The following BCCIP variants were observed in gnomAD, a reference collection of about 807,000 sequenced individuals.
BCCIP encodes the protein BRCA2 and CDKN1A interacting protein.
In BCCIP, 23 loss-of-function variants were observed where a neutral mutation model predicts 32.8. That is an observed-to-expected ratio of 0.70 (90% CI 0.51 to 0.99). The LOEUF (loss-of-function observed/expected upper bound fraction) is 0.99, where lower values mean the gene tolerates loss of function less well. Ranked by LOEUF, BCCIP falls within the 50% of genes least tolerant of loss-of-function variation. BCCIP has a pLI of 0.00. For missense variants in BCCIP, 378 were observed against 379.8 expected (o/e 1.00, Z 0.04); for synonymous variants, 144 against 137.6 (o/e 1.05, Z -0.33).
At position 125,836,391 on chromosome 10, in the gene BCCIP, T is replaced by G; in HGVS notation, c.*117T>G. 1 of 1,537,296 alleles carries G rather than the reference T, an allele frequency of 6.5e-7. No homozygotes were observed. The highest frequency in any genetic ancestry group is 8.7e-7 in the Non-Finnish European group (1 of 1,145,448). On this transcript the variant is annotated 3_prime_UTR_variant, in exon 7 of 7. Transcript: ENST00000278100. Reference sequence around the variant, plus strand: ...TTAAGTTCCTCTACAAAAAGTAGGGTTCTGTCCCATGTGTCTCTGACACAT... The same window carrying G: ...TTAAGTTCCTCTACAAAAAGTAGGGGTCTGTCCCATGTGTCTCTGACACAT...
exon 8 of BCCIP, chr10:125,853,240 A>G (rs1944115045): frequency 3.8e-6 from 6 of 1,599,446 alleles, no homozygotes; most frequent in Non-Finnish European, 4.3e-6. Context: ...TTGCTCTGTC[A>G]TAATAAGTCA....
chr10:125,838,539 A>C, downstream of BCCIP: 1 of 781,010 alleles, frequency 1.3e-6, no homozygotes. Flanking sequence ...CATGTAGAAA[A>C]TAAGCCATAA....
At chr10:125,824,712 C>G (rs908385480) in intron 1 of BCCIP, among the ~76,000 whole-genome samples, 19 of 112,556 alleles carry the variant, frequency 1.7e-4, no homozygotes, top group African/African-American at 6.3e-4. Flanking sequence ...TGTTCCCCTA[C>G]AATCAGTCTA....
chr10:125,841,583 C>T (rs1854881181), exon 7 of BCCIP: 4 of 1,438,924 alleles, frequency 2.8e-6, no homozygotes, highest in Non-Finnish European at 3.6e-6. Context: ...TTTTCCTTTT[C>T]TAACCTATTA....
chr10:125,843,932 C>T (rs1406742080), downstream of BCCIP, among the ~76,000 whole-genome samples: 1 of 152,170 alleles, frequency 6.6e-6, no homozygotes, highest in African/African-American at 2.4e-5. Context: ...TACCTTGGGG[C>T]AAATATGTTG....
chr10:125,831,002 G>C (rs771656694), intron 4 of BCCIP, among the ~76,000 whole-genome samples: 19 of 152,182 alleles, frequency 1.2e-4, no homozygotes, highest in Non-Finnish European at 2.6e-4. Flanking sequence ...GGCATTTACT[G>C]ACATTTTATT....
chr10:125,829,502 A>C (rs1315781409), intron 3 of BCCIP, among the ~76,000 whole-genome samples: 2 of 152,200 alleles, frequency 1.3e-5, no homozygotes, highest in Non-Finnish European at 2.9e-5. Context: ...CTGTCCTCCT[A>C]TTCATTCTTC....
At chr10:125,838,522 A>T (rs1295412749), downstream of BCCIP, 1 of 834,406 alleles carries the variant, frequency 1.2e-6, no homozygotes, top group African/African-American at 1.7e-5. Context: ...CATGTTTCCT[A>T]CTTTCACATG....
At chr10:125,851,259 A>C (rs1944085576) in intron 7 of BCCIP, among the ~76,000 whole-genome samples, 1 of 152,160 alleles carries the variant, frequency 6.6e-6, no homozygotes. Flanking sequence ...CCACAGTTAT[A>C]TTTTCCCCAA....
chr10:125,835,759 G>A (rs570472231), intron 6 of BCCIP, among the ~76,000 whole-genome samples: 2 of 152,290 alleles, frequency 1.3e-5, no homozygotes, highest in East Asian at 3.9e-4. Flanking sequence ...AGTGTTTGAA[G>A]ACAAGTTCTT....
chr10:125,851,290 G>C (rs1944086253), intron 7 of BCCIP, among the ~76,000 whole-genome samples: 1 of 152,200 alleles, frequency 6.6e-6, no homozygotes, highest in Non-Finnish European at 1.5e-5. Context: ...AAAGTTATGT[G>C]TGTATTGTCA....
chr10:125,839,296 A>G, downstream of BCCIP: 1 of 1,143,232 alleles, frequency 8.7e-7, no homozygotes, highest in Non-Finnish European at 1.2e-6. Context: ...CTCTCCTACA[A>G]AGGAGGCCAC....
At chr10:125,835,110 G>A (rs1206555262) in intron 6 of BCCIP, among the ~76,000 whole-genome samples, 54 of 151,880 alleles carry the variant, frequency 3.6e-4, no homozygotes, top group Non-Finnish European at 7.9e-4. Context: ...TCCAGCCTGG[G>A]CGACAGAGCG....
chr10:125,827,355 T>C (rs1854421661), intron 2 of BCCIP, among the ~76,000 whole-genome samples: 1 of 152,148 alleles, frequency 6.6e-6, no homozygotes, highest in South Asian at 2.1e-4. Context: ...ACTTCTATAT[T>C]ACTACTGACT....
chr10:125,852,558 CA>C, intron 7 of BCCIP: 1 of 1,613,496 alleles, frequency 6.2e-7, no homozygotes, highest in Non-Finnish European at 8.5e-7. Flanking sequence ...GAAGATGAGC[CA>C]AGAATCTGCT....
Position 125,836,253 on chromosome 10 carries a change from G to C in BCCIP, c.924G>C (p.Leu308=). The change falls in exon 7 of 7, where the codon CTG becomes CTC. Residue 308 remains leucine, a synonymous_variant. Coordinates refer to ENST00000278100, the MANE Select transcript of BCCIP (RefSeq NM_078468.3). ...AGATGAACGAAATCATGGATAAACT[G>C]AAAGAATATCTATCTGTCTAACCCA... ...GDKMNEIMDK[L]KEYLSV is the part of the protein sequence containing the mutation. 1 of 1,614,206 alleles carries C rather than the reference G, an allele frequency of 6.2e-7. No individual in the cohort carries two copies. Among genetic ancestry groups the C allele is most frequent in the South Asian group, 1.1e-5 (1 of 91,084 alleles).
At chr10:125,841,321 C>T, downstream of BCCIP, 1 of 1,614,118 alleles carries the variant, frequency 6.2e-7, no homozygotes, top group Non-Finnish European at 8.5e-7. Context: ...AGTTCCGATA[C>T]AGCACAATGG....
chr10:125,842,742 T>A (rs1206137039), exon 7 of BCCIP: 2 of 813,676 alleles, frequency 2.5e-6, no homozygotes, highest in Non-Finnish European at 3.0e-6. Context: ...GGATCTCAGA[T>A]GCTAGAAATA....
rs75391838 is a variant in BCCIP, at chr10:125,825,414, A to G, written c.166-1177A>G. 342 of 152,354 alleles carry G rather than the reference A, an allele frequency of 2.2e-3. 4 individuals carry two copies. Among genetic ancestry groups the G allele is most frequent in the African/African-American group, 7.8e-3 (325 of 41,584 alleles). 9.4% of individuals were successfully genotyped at this position (152,354 alleles called of 1,614,324 possible). A position where few individuals can be genotyped will look rare whatever the true frequency, so the allele number is the denominator to read the frequency against. Reference sequence around the variant, plus strand: ...TCTAAGGAATAAGTTTAAGTCCTGAATAATGACAGTTTGTTATTTGGTTTA... The same window carrying G: ...TCTAAGGAATAAGTTTAAGTCCTGAGTAATGACAGTTTGTTATTTGGTTTA... On this transcript the variant is annotated intron_variant, in intron 1 of 6. Transcript: ENST00000278100.
Sources: gnomAD v4.1 joint callset for allele counts (sites outside exome capture counted in the v4.1 genomes callset) on GRCh38, gnomAD v4.1.1 for gene constraint, MANE v1.5 for transcripts, NCBI Gene and HGNC (gene_info 2026-07-23, HGNC 2026-07-21) for gene names.